KHDRBS2: variants seen among roughly 807,000 people sequenced by gnomAD.
KHDRBS2 encodes KH RNA binding domain containing, signal transduction associated 2.
In KHDRBS2, 26 loss-of-function variants were observed where a neutral mutation model predicts 44.3. That is an observed-to-expected ratio of 0.59 (90% CI 0.43 to 0.81). The LOEUF (loss-of-function observed/expected upper bound fraction) is 0.81, where lower values mean the gene tolerates loss of function less well. Among genes scored for constraint, KHDRBS2 ranks in the 40% least tolerant of loss-of-function variants. KHDRBS2 has a pLI of 0.00. For missense variants in KHDRBS2, 476 were observed against 433.1 expected (o/e 1.10, Z -0.88); for synonymous variants, 194 against 151.1 (o/e 1.28, Z -2.08).
intron 2 of KHDRBS2, among the ~76,000 whole-genome samples, chr6:62,169,129 A>ATATATG (rs1819368953): frequency 3.9e-5 from 5 of 127,664 alleles, no homozygotes; most frequent in African/African-American, 1.5e-4. Flanking sequence ...GTATATATAC[A>ATATATG]TATACACACA....
chr6:62,074,044 G>T (rs1037220349), intron 2 of KHDRBS2, among the ~76,000 whole-genome samples: 2 of 151,776 alleles, frequency 1.3e-5, no homozygotes, highest in African/African-American at 4.8e-5. Context: ...TGATAAGGCT[G>T]TGAAGATGTG....
At chr6:61,978,429 C>G (rs557976771) in intron 3 of KHDRBS2, among the ~76,000 whole-genome samples, 4 of 151,938 alleles carry the variant, frequency 2.6e-5, no homozygotes, top group Non-Finnish European at 5.9e-5. Flanking sequence ...TAAAAACCGG[C>G]ATAATTATCA....
At chr6:61,647,941 A>C in the KHDRBS2 span, among the ~76,000 whole-genome samples, 1 of 152,146 alleles carries the variant, frequency 6.6e-6, no homozygotes, top group Non-Finnish European at 1.5e-5. Context: ...ATCTTGGTAA[A>C]AAATAGGTGG....
chr6:62,237,971 G>A (rs755017522), intron 1 of KHDRBS2, among the ~76,000 whole-genome samples: 61 of 150,830 alleles, frequency 4.0e-4, no homozygotes, highest in Non-Finnish European at 8.1e-4. Flanking sequence ...CCTGGGAGGC[G>A]GAGGTTGCAG....
chr6:61,839,771 C>T (rs920397113), intron 6 of KHDRBS2, among the ~76,000 whole-genome samples: 11 of 151,962 alleles, frequency 7.2e-5, no homozygotes, highest in Non-Finnish European at 1.5e-4. Context: ...AAGAATGAAG[C>T]AGAAATGCTG....
chr6:61,853,666 G>T (rs1402391390), intron 6 of KHDRBS2, among the ~76,000 whole-genome samples: 3 of 152,186 alleles, frequency 2.0e-5, no homozygotes, highest in African/African-American at 7.2e-5. Context: ...TATCCACTAG[G>T]ATTAGGTTCA....
intron 3 of KHDRBS2, among the ~76,000 whole-genome samples, chr6:62,020,669 C>A (rs1782100406): frequency 2.0e-5 from 3 of 151,914 alleles, no homozygotes; most frequent in Non-Finnish European, 2.9e-5. Context: ...TATCAACTGA[C>A]CCCTTAACAT....
At chr6:61,902,761 C>T (rs1200272573) in intron 4 of KHDRBS2, among the ~76,000 whole-genome samples, 3 of 152,084 alleles carry the variant, frequency 2.0e-5, no homozygotes, top group African/African-American at 7.2e-5. Flanking sequence ...TTATCATCTG[C>T]ACCAAACGAT....
chr6:61,787,524 G>A (rs1018798469), intron 6 of KHDRBS2, among the ~76,000 whole-genome samples: 108 of 151,772 alleles, frequency 7.1e-4, no homozygotes, highest in African/African-American at 2.3e-3. Context: ...CCTTACCTAT[G>A]CCTTTTATTA....
At chr6:62,071,967 C>G (rs1795227630) in intron 2 of KHDRBS2, among the ~76,000 whole-genome samples, 1 of 152,082 alleles carries the variant, frequency 6.6e-6, no homozygotes, top group African/African-American at 2.4e-5. Flanking sequence ...TTCTTCCTAC[C>G]CATGAGCATG....
At chr6:61,773,116 T>C (rs1156937932) in intron 6 of KHDRBS2, among the ~76,000 whole-genome samples, 21 of 152,152 alleles carry the variant, frequency 1.4e-4, no homozygotes, top group African/African-American at 4.1e-4. Flanking sequence ...TGCATGTGTC[T>C]TTATAGCAGC....
At chr6:61,955,120 A>G (rs1383465151) in intron 4 of KHDRBS2, among the ~76,000 whole-genome samples, 10 of 144,628 alleles carry the variant, frequency 6.9e-5, no homozygotes, top group African/African-American at 1.3e-4. Flanking sequence ...ATATGTGTAT[A>G]TATGTATACA....
chr6:62,176,689 T>A (rs1244700183), intron 2 of KHDRBS2, among the ~76,000 whole-genome samples: 2 of 151,240 alleles, frequency 1.3e-5, no homozygotes. Flanking sequence ...AAGAATGATA[T>A]CATAATTATT....
chr6:61,951,052 T>C (rs1035340071), intron 4 of KHDRBS2, among the ~76,000 whole-genome samples: 1 of 152,050 alleles, frequency 6.6e-6, no homozygotes, highest in Non-Finnish European at 1.5e-5. Flanking sequence ...GCAAATTTCA[T>C]GTTATATCTG....
At chr6:61,958,878 G>A (rs1690674168) in intron 4 of KHDRBS2, among the ~76,000 whole-genome samples, 2 of 152,000 alleles carry the variant, frequency 1.3e-5, no homozygotes, top group Admixed American at 6.6e-5. Context: ...CATCAAACAA[G>A]CCTGACATAA....
chr6:62,121,948 G>T (rs1357287823), intron 2 of KHDRBS2, among the ~76,000 whole-genome samples: 1 of 152,080 alleles, frequency 6.6e-6, no homozygotes, highest in African/African-American at 2.4e-5. Context: ...GCTGCATTTG[G>T]CCCCTACTAC....
At chr6:62,172,738 A>C (rs1820307713) in intron 2 of KHDRBS2, among the ~76,000 whole-genome samples, 2 of 149,990 alleles carry the variant, frequency 1.3e-5, no homozygotes, top group Non-Finnish European at 3.0e-5. Context: ...CATACCAAGC[A>C]TGCTCTTGGA....
At chr6:62,076,559 T>G (rs886848088) in intron 2 of KHDRBS2, among the ~76,000 whole-genome samples, 2 of 151,962 alleles carry the variant, frequency 1.3e-5, no homozygotes, top group Non-Finnish European at 2.9e-5. Context: ...TGAAGCCTTT[T>G]TGTCTAGAAA....
chr6:62,067,475 G>C (rs1794002536), intron 2 of KHDRBS2, among the ~76,000 whole-genome samples: 1 of 151,434 alleles, frequency 6.6e-6, no homozygotes, highest in African/African-American at 2.4e-5. Context: ...TCATTGTACT[G>C]AGTGTACATT....
Sources: gnomAD v4.1 joint callset for allele counts (sites outside exome capture counted in the v4.1 genomes callset) on GRCh38, gnomAD v4.1.1 for gene constraint, MANE v1.5 for transcripts, NCBI Gene and HGNC (gene_info 2026-07-23, HGNC 2026-07-21) for gene names.